The following SNTB1 variants were observed in gnomAD, a reference collection of about 807,000 sequenced individuals.
The protein encoded by SNTB1 is beta-1-syntrophin.
In SNTB1, 36 loss-of-function variants were observed where a neutral mutation model predicts 48.9. The observed-to-expected ratio is 0.74, with a 90% CI of 0.56 to 0.97. The LOEUF (loss-of-function observed/expected upper bound fraction) is 0.97, where lower values mean the gene tolerates loss of function less well. SNTB1 is among the 50% of genes least tolerant of loss of function. The pLI, the probability that SNTB1 is intolerant of heterozygous loss-of-function variation, is 0.00. For synonymous variants in SNTB1, 299 were observed against 294.6 expected (o/e 1.01, Z -0.15); for missense variants, 786 against 703.4 (o/e 1.12, Z -1.33).
intron 2 of SNTB1, among the ~76,000 whole-genome samples, chr8:120,658,913 A>G (rs1817539261): frequency 6.6e-6 from 1 of 151,362 alleles, no homozygotes; most frequent in Non-Finnish European, 1.5e-5. Flanking sequence ...ATTGGAGTCA[A>G]TCCTCTCAAA....
intron 1 of SNTB1, among the ~76,000 whole-genome samples, chr8:120,719,607 G>A (rs1818621698): frequency 1.3e-5 from 2 of 152,136 alleles, no homozygotes; most frequent in African/African-American, 4.8e-5. Flanking sequence ...CTCCCCCAAA[G>A]CTATGACGTT....
intron 2 of SNTB1, among the ~76,000 whole-genome samples, chr8:120,649,720 G>A (rs142223340): frequency 0.37 from 56,354 of 151,802 alleles, 12,250 homozygotes; most frequent in Non-Finnish European, 0.49. Context: ...CGGCTGCTTT[G>A]TTTACCTAAT....
intron 3 of SNTB1, among the ~76,000 whole-genome samples, chr8:120,579,209 C>G (rs1355137958): frequency 5.6e-5 from 7 of 125,314 alleles, no homozygotes; most frequent in African/African-American, 2.2e-4. Flanking sequence ...AACAAACAAA[C>G]AAACAAAGAG....
chr8:120,712,952 G>C (rs147373762), intron 1 of SNTB1, among the ~76,000 whole-genome samples: 1 of 152,054 alleles, frequency 6.6e-6, no homozygotes, highest in Admixed American at 6.6e-5. Context: ...TCTTCTCCTC[G>C]TTACTATTGC....
At chr8:120,626,222 T>TAG (rs906710966) in intron 3 of SNTB1, among the ~76,000 whole-genome samples, 7 of 150,522 alleles carry the variant, frequency 4.7e-5, no homozygotes, top group African/African-American at 1.7e-4. Flanking sequence ...TATATATATA[T>TAG]AGAGAGAGAG....
chr8:120,802,144 C>T (rs1253907829), intron 1 of SNTB1, among the ~76,000 whole-genome samples: 1 of 152,026 alleles, frequency 6.6e-6, no homozygotes, highest in East Asian at 1.9e-4. Context: ...GAATAAAAAA[C>T]TAAAGTATAG....
At chr8:120,692,248 T>C (rs144391572) in intron 2 of SNTB1, among the ~76,000 whole-genome samples, 64 of 152,246 alleles carry the variant, frequency 4.2e-4, no homozygotes, top group Non-Finnish European at 6.5e-4. Flanking sequence ...AAAAAAGACA[T>C]TGAGCTGGGA....
At chr8:120,583,547 AC>A (rs1215227728) in intron 3 of SNTB1, among the ~76,000 whole-genome samples, 2 of 151,540 alleles carry the variant, frequency 1.3e-5, no homozygotes, top group Admixed American at 6.6e-5. Flanking sequence ...ACACACACAC[AC>A]ACACACACAC....
At chr8:120,797,523 A>G (rs1055783976) in intron 1 of SNTB1, among the ~76,000 whole-genome samples, 1 of 141,122 alleles carries the variant, frequency 7.1e-6, no homozygotes, top group Non-Finnish European at 1.5e-5. Flanking sequence ...AGTAAATATC[A>G]TTAACCAAAG....
chr8:120,559,610 T>C (rs963418032), intron 4 of SNTB1, among the ~76,000 whole-genome samples: 10 of 152,154 alleles, frequency 6.6e-5, no homozygotes, highest in African/African-American at 2.2e-4. Flanking sequence ...TCAGATTGCA[T>C]ATTGTTTCTG....
chr8:120,744,119 C>T (rs1325289154), intron 1 of SNTB1, among the ~76,000 whole-genome samples: 1 of 117,210 alleles, frequency 8.5e-6, no homozygotes, highest in Non-Finnish European at 1.7e-5. Context: ...GACCCTGTCT[C>T]AATTTTTTTT....
intron 1 of SNTB1, chr8:120,761,372 G>C (rs1006608606): frequency 6.6e-6 from 1 of 152,140 alleles, no homozygotes; most frequent in South Asian, 2.1e-4. Context: ...AACAAGAGAT[G>C]GTAAGCTGGA....
At chr8:120,684,795 C>T (rs930436282) in intron 2 of SNTB1, among the ~76,000 whole-genome samples, 4 of 151,898 alleles carry the variant, frequency 2.6e-5, no homozygotes, top group Non-Finnish European at 5.9e-5. Context: ...GCTGGGATTA[C>T]AGGCATCTGC....
intron 3 of SNTB1, among the ~76,000 whole-genome samples, chr8:120,628,759 GA>G (rs146824400): frequency 2.0e-5 from 3 of 146,924 alleles, no homozygotes; most frequent in Non-Finnish European, 3.0e-5. Flanking sequence ...CCATCTCAAA[GA>G]AAAAAAAAAG....
intron 2 of SNTB1, among the ~76,000 whole-genome samples, chr8:120,660,989 G>C (rs1231092998): frequency 1.3e-5 from 2 of 152,152 alleles, no homozygotes; most frequent in Non-Finnish European, 2.9e-5. Flanking sequence ...CATGGGTGTA[G>C]TTTGTGGTAT....
At chr8:120,759,773 TTGGC>T (rs1033009661) in intron 1 of SNTB1, among the ~76,000 whole-genome samples, 2 of 152,180 alleles carry the variant, frequency 1.3e-5, no homozygotes, top group African/African-American at 4.8e-5. Context: ...TCTTATTTGG[TTGGC>T]CCTCTAGTGT....
intron 1 of SNTB1, among the ~76,000 whole-genome samples, chr8:120,770,591 C>T (rs887856539): frequency 6.6e-6 from 1 of 152,094 alleles, no homozygotes; most frequent in Non-Finnish European, 1.5e-5. Flanking sequence ...GCGGGCAGAT[C>T]ATTTGAGGTC....
intron 1 of SNTB1, among the ~76,000 whole-genome samples, chr8:120,707,579 G>T (rs1486531412): frequency 6.6e-6 from 1 of 152,084 alleles, no homozygotes; most frequent in African/African-American, 2.4e-5. Flanking sequence ...TTTTTAAAAA[G>T]GTAGGAAAGG....
At chr8:120,795,515 A>G (rs1257177534) in intron 1 of SNTB1, among the ~76,000 whole-genome samples, 2 of 148,390 alleles carry the variant, frequency 1.3e-5, no homozygotes, top group Non-Finnish European at 3.0e-5. Context: ...GATATTTGAC[A>G]AAGAGAAAAA....
Sources: gnomAD v4.1 joint callset for allele counts (sites outside exome capture counted in the v4.1 genomes callset) on GRCh38, gnomAD v4.1.1 for gene constraint, MANE v1.5 for transcripts, NCBI Gene and HGNC (gene_info 2026-07-23, HGNC 2026-07-21) for gene names.